Variants in ARHGAP10 observed in about 807,000 individuals in gnomAD.
The protein encoded by ARHGAP10 is Rho GTPase activating protein 10, also known as rho GTPase-activating protein 10.
A neutral mutation model predicts 108.6 loss-of-function variants in ARHGAP10; 87 were observed. The observed-to-expected ratio is 0.80, with a 90% CI of 0.67 to 0.96. ARHGAP10 has a LOEUF of 0.96. Ranked by LOEUF, ARHGAP10 falls within the 40% of genes least tolerant of loss-of-function variation. The pLI is 0.00. For missense variants in ARHGAP10, 939 were observed against 954.5 expected (o/e 0.98, Z 0.21); for synonymous variants, 347 against 341.1 (o/e 1.02, Z -0.19).
intron 19 of ARHGAP10, 43 bp downstream of exon 19, chr4:148,023,456 G>A: frequency 1.9e-6 from 3 of 1,587,964 alleles, no homozygotes; most frequent in Non-Finnish European, 2.6e-6. Context: ...CATGTTGAGA[G>A]TATGGCGTAT....
intron 9 of ARHGAP10, among the ~76,000 whole-genome samples, chr4:147,880,474 G>A (rs1182328765): frequency 6.6e-6 from 1 of 152,208 alleles, no homozygotes; most frequent in Admixed American, 6.5e-5. Flanking sequence ...GTCAGAGCCA[G>A]TTCAAGTCCT....
chr4:147,807,048 G>T (rs1279998740), intron 1 of ARHGAP10, among the ~76,000 whole-genome samples: 1 of 152,182 alleles, frequency 6.6e-6, no homozygotes, highest in Non-Finnish European at 1.5e-5. Context: ...CATTTAGTGT[G>T]GGGGCAGGTA....
At chr4:147,783,962 T>TATTTATATAACACACATTATTATATA (rs1730687871) in intron 1 of ARHGAP10, among the ~76,000 whole-genome samples, 6 of 132,722 alleles carry the variant, frequency 4.5e-5, no homozygotes, top group Admixed American at 3.7e-4. Flanking sequence ...TTGTGTATTA[T>TATTTATATAACACACATTATTATATA]ATTTATATAA....
intron 7 of ARHGAP10, among the ~76,000 whole-genome samples, chr4:147,872,326 C>T (rs182131749): frequency 1.3e-5 from 2 of 152,154 alleles, no homozygotes; most frequent in South Asian, 2.1e-4. Flanking sequence ...AACCAGGCTT[C>T]TTACTGTCTG....
At chr4:147,789,894 C>G (rs1024842601) in intron 1 of ARHGAP10, among the ~76,000 whole-genome samples, 8 of 152,064 alleles carry the variant, frequency 5.3e-5, no homozygotes, top group Admixed American at 1.3e-4. Flanking sequence ...CATCAGCTCC[C>G]CAAGGCAGGG....
At chr4:148,044,911 A>C (rs553468536) in intron 19 of ARHGAP10, among the ~76,000 whole-genome samples, 7 of 152,304 alleles carry the variant, frequency 4.6e-5, no homozygotes, top group African/African-American at 1.7e-4. Context: ...TTCTCCAATT[A>C]GCTAAACGTT....
At chr4:148,034,484 A>AT (rs76525018) in intron 19 of ARHGAP10, among the ~76,000 whole-genome samples, 6,191 of 139,124 alleles carry the variant, frequency 0.044, 163 homozygotes, top group Non-Finnish European at 0.06. Context: ...CTCCCGGCTA[A>AT]TTTTTTTTTT....
chr4:147,750,776 A>G (rs1344538381), intron 1 of ARHGAP10, among the ~76,000 whole-genome samples: 1 of 151,298 alleles, frequency 6.6e-6, no homozygotes, highest in Non-Finnish European at 1.5e-5. Flanking sequence ...TAATTTTTGT[A>G]TTTTTTAGTA....
intron 7 of ARHGAP10, among the ~76,000 whole-genome samples, chr4:147,874,366 G>A (rs1221761446): frequency 6.6e-6 from 1 of 152,128 alleles, no homozygotes; most frequent in East Asian, 1.9e-4. Context: ...CGGTGTAGCC[G>A]TTTGACAGAT....
intron 15 of ARHGAP10, among the ~76,000 whole-genome samples, chr4:147,949,107 G>C (rs1738498330): frequency 6.6e-6 from 1 of 152,152 alleles, no homozygotes; most frequent in African/African-American, 2.4e-5. Context: ...GTGGGTGATA[G>C]TTATGTATTA....
At chr4:147,989,321 A>C (rs1300285337) in intron 18 of ARHGAP10, among the ~76,000 whole-genome samples, 1 of 152,240 alleles carries the variant, frequency 6.6e-6, no homozygotes, top group Non-Finnish European at 1.5e-5. Flanking sequence ...ATTGCTAATG[A>C]AGTTTTGGGC....
chr4:147,880,909 A>T (rs199673665), intron 9 of ARHGAP10, among the ~76,000 whole-genome samples: 2 of 14 alleles, frequency 0.14, no homozygotes, highest in African/African-American at 0.33. Context: ...TTTTTACACT[A>T]AAAAAAAGAG....
intron 1 of ARHGAP10, among the ~76,000 whole-genome samples, chr4:147,757,190 CTTTTTTTTTTTT>C (rs763282506): frequency 8.6e-6 from 1 of 115,624 alleles, no homozygotes. Context: ...ACAGTCTAGC[CTTTTTTTTTTTT>C]TTTTTTTTTT....
intron 19 of ARHGAP10, among the ~76,000 whole-genome samples, chr4:148,045,064 C>T (rs1728812754): frequency 1.3e-5 from 2 of 152,174 alleles, no homozygotes; most frequent in African/African-American, 4.8e-5. Flanking sequence ...CCCCACCCTC[C>T]CCGGGAACAC....
At chr4:147,843,329 C>G (rs1329346610) in intron 3 of ARHGAP10, among the ~76,000 whole-genome samples, 3 of 152,188 alleles carry the variant, frequency 2.0e-5, no homozygotes, top group Non-Finnish European at 2.9e-5. Context: ...TGTTCTCTTT[C>G]AGCAGTCATC....
intron 18 of ARHGAP10, among the ~76,000 whole-genome samples, chr4:147,991,505 A>G (rs961327101): frequency 7.9e-5 from 12 of 152,200 alleles, no homozygotes; most frequent in African/African-American, 1.9e-4. Flanking sequence ...AAGCCCAGGT[A>G]TTAGAGACTA....
intron 18 of ARHGAP10, among the ~76,000 whole-genome samples, chr4:148,006,414 C>G (rs554866158): frequency 3.9e-5 from 6 of 152,308 alleles, no homozygotes; most frequent in African/African-American, 1.4e-4. Context: ...CAGCCTGTTC[C>G]AGCTATTTCC....
chr4:148,052,033 C>T (rs942738568), intron 20 of ARHGAP10, among the ~76,000 whole-genome samples: 1 of 152,002 alleles, frequency 6.6e-6, no homozygotes, highest in African/African-American at 2.4e-5. Flanking sequence ...ACCAGAGTAC[C>T]CCGCTCCCCC....
intron 15 of ARHGAP10, among the ~76,000 whole-genome samples, chr4:147,949,517 G>C (rs774496184): frequency 3.3e-5 from 5 of 152,184 alleles, no homozygotes; most frequent in Non-Finnish European, 5.9e-5. Context: ...CTGGCATCTG[G>C]TGGCATCTGA....
Sources: gnomAD v4.1 joint callset for allele counts (sites outside exome capture counted in the v4.1 genomes callset) on GRCh38, gnomAD v4.1.1 for gene constraint, MANE v1.5 for transcripts, NCBI Gene and HGNC (gene_info 2026-07-23, HGNC 2026-07-21) for gene names.